NUP205: variants seen among roughly 807,000 people sequenced by gnomAD.
The protein encoded by NUP205 is nuclear pore complex protein Nup205.
NUP205 carries 76 observed loss-of-function variants against 253.8 expected under a neutral mutation model. The observed-to-expected ratio is 0.30, with a 90% CI of 0.25 to 0.36. The LOEUF is 0.36. Ranked by LOEUF, NUP205 falls within the 10% of genes least tolerant of loss-of-function variation. The probability of loss-of-function intolerance (pLI) is 1.00; values close to 1 mark genes in which losing one functional copy is unlikely to be tolerated. For missense variants in NUP205, 2,162 were observed against 2,425.5 expected (o/e 0.89, Z 2.28); for synonymous variants, 832 against 850.1 (o/e 0.98, Z 0.37).
rs142367048 is a variant in NUP205, at chr7:135,578,790, A to G, written c.917A>G (p.Tyr306Cys). 3.3e-5 allele frequency: 53 copies of G among 1,609,484 alleles called. No individual in the cohort carries two copies. Among genetic ancestry groups the G allele is most frequent in the Non-Finnish European group, 4.2e-5 (49 of 1,178,410 alleles). ...HQLPLLTEKQ[Y>C]IATIHSRLQD... ...CTTCCACTGTTGACAGAAAAACAGT[A>G]CATTGCAACAATTCACTCTCGTCTT... The change falls in exon 7 of 43, where the codon TAC becomes TGC. Residue 306 changes from tyrosine to cysteine, a missense_variant. Physicochemically the swap from Tyr to Cys is radical, Grantham distance 194. This residue lies in a region of NUP205 where 892 missense variants were observed against 957.1 expected (regional missense o/e 0.93). Transcript: ENST00000285968.
intron 22 of NUP205, among the ~76,000 whole-genome samples, chr7:135,612,406 C>A (rs1196427233): frequency 2.0e-5 from 3 of 152,210 alleles, no homozygotes; most frequent in African/African-American, 7.2e-5. Flanking sequence ...AGCACTATAA[C>A]TCAGCCTGAA....
rs572175718 is a variant in NUP205 at position 135,593,119 on chromosome 7, C to T, written c.1757C>T (p.Ser586Phe). Reference sequence around the variant, plus strand: ...AGTGTCCAGTACCGTCACCTTCCTTCCCGTGGCATCACCCAGAAGGAGCAA... The same window carrying T: ...AGTGTCCAGTACCGTCACCTTCCTTTCCGTGGCATCACCCAGAAGGAGCAA... ...ADSVQYRHLP[S>F]RGITQKEQDG... Residue 586 changes from serine (S) to phenylalanine (F), a missense_variant, in exon 12 of 43, where the codon TCC becomes TTC. Physicochemically the swap from Ser to Phe is radical, Grantham distance 155 (BLOSUM62 -2). Transcript: ENST00000285968. 1 of 1,614,120 alleles carries T rather than the reference C, an allele frequency of 6.2e-7. No homozygotes were observed. Among genetic ancestry groups the T allele is most frequent in the South Asian group, 1.1e-5 (1 of 91,080 alleles).
intron 10 of NUP205, 114 bp from the exon 11 acceptor site, chr7:135,591,336 G>A (rs925358058): frequency 3.8e-6 from 3 of 791,920 alleles, no homozygotes; most frequent in East Asian, 2.8e-5. Flanking sequence ...TGTCTGTTGC[G>A]AGGGTTAAGT....
chr7:135,584,546 A>G (rs1460936670), intron 7 of NUP205, among the ~76,000 whole-genome samples: 2 of 152,220 alleles, frequency 1.3e-5, no homozygotes, highest in African/African-American at 4.8e-5. Flanking sequence ...CCCTGACTAC[A>G]TCAGTGTTGC....
chr7:135,645,840 G>C, intron 41 of NUP205: 1 of 575,622 alleles, frequency 1.7e-6, no homozygotes, highest in Non-Finnish European at 3.1e-6. Flanking sequence ...GCTGCAGTTA[G>C]GGGGCTGATC....
At chr7:135,647,820 A>C (rs1795038608) in intron 42 of NUP205, among the ~76,000 whole-genome samples, 1 of 152,222 alleles carries the variant, frequency 6.6e-6, no homozygotes, top group African/African-American at 2.4e-5. Flanking sequence ...TATTGTACTT[A>C]ATTTTAGTCT....
At chr7:135,580,027 T>C (rs1806262095) in intron 7 of NUP205, among the ~76,000 whole-genome samples, 1 of 152,226 alleles carries the variant, frequency 6.6e-6, no homozygotes, top group African/African-American at 2.4e-5. Flanking sequence ...TTAATTGTCA[T>C]ATTAGTAGGG....
chr7:135,619,945 G>C, intron 30 of NUP205, 57 bp downstream of exon 30: 5 of 1,046,210 alleles, frequency 4.8e-6, no homozygotes, highest in Non-Finnish European at 1.4e-6. Context: ...ACTTTAAATT[G>C]AAAAAAAAAA....
intron 18 of NUP205, among the ~76,000 whole-genome samples, chr7:135,603,540 C>T (rs547187166): frequency 3.4e-5 from 5 of 148,410 alleles, no homozygotes; most frequent in Admixed American, 2.7e-4. Context: ...GACAACATTT[C>T]GCTCTGTCAC....
chr7:135,577,782 G>A lies in NUP205; in HGVS notation c.649-14G>A, dbSNP rs201710625. The A allele has an allele frequency of 9.3e-4, 1,475 of 1,589,762 alleles. 1 individual carries two copies. The highest frequency in any genetic ancestry group is 1.2e-3 in the Non-Finnish European group (1,377 of 1,158,274). On this transcript the variant is annotated splice_polypyrimidine_tract_variant and intron_variant, in intron 5 of 42. Transcript: ENST00000285968. ...GTAATTTATTTATACTGATAGTCAT[G>A]TTTTTATTTCTAGGTTTCTGATCTC...
At chr7:135,637,861 G>A in intron 36 of NUP205, 70 bp from the exon 37 acceptor site, 1 of 1,442,324 alleles carries the variant, frequency 6.9e-7, no homozygotes, top group Admixed American at 2.2e-5. Context: ...AGTTTTTCTT[G>A]TTTCTATCCC....
chr7:135,606,729 G>T, intron 20 of NUP205, 22 bp from the exon 21 acceptor site: 1 of 1,600,314 alleles, frequency 6.2e-7, no homozygotes, highest in Non-Finnish European at 8.6e-7. Context: ...TTGTAATTTT[G>T]TTTTGTGATT....
At chr7:135,581,853 C>CAA (rs34433097) in intron 7 of NUP205, among the ~76,000 whole-genome samples, 6 of 134,966 alleles carry the variant, frequency 4.4e-5, no homozygotes, top group Non-Finnish European at 9.6e-5. Flanking sequence ...ACTCTGTTTC[C>CAA]AAAAAAAAAA....
At chr7:135,609,066 T>C (rs931205085) in intron 22 of NUP205, among the ~76,000 whole-genome samples, 5 of 141,684 alleles carry the variant, frequency 3.5e-5, no homozygotes, top group Admixed American at 7.4e-5. Context: ...ATCGTGCCAC[T>C]GTACTCCAGC....
At chr7:135,579,852 G>C (rs1449696225) in intron 7 of NUP205, among the ~76,000 whole-genome samples, 4 of 152,170 alleles carry the variant, frequency 2.6e-5, no homozygotes, top group Non-Finnish European at 5.9e-5. Flanking sequence ...CACCATGTTG[G>C]CTGGGCTGGT....
In NUP205 at chr7:135,609,746, A is replaced by G. The variant is rs570454416; in HGVS notation, c.3195+2375A>G. 4.6e-5 allele frequency among the ~76,000 whole-genome samples: 7 copies of G among 152,098 alleles called. No individual in the cohort carries two copies. In the South Asian group the frequency reaches 1.2e-3, roughly 27 times the overall value. ...GCTTTTCTTTTTGTAATTCTTTACT[A>G]TCTTTTCTGTCCTCCGGCTGTCCAA... On this transcript the variant is annotated intron_variant, in intron 22 of 42. Transcript: ENST00000285968.
At chr7:135,564,543 C>T (rs78228509) in intron 1 of NUP205, among the ~76,000 whole-genome samples, 3,791 of 151,370 alleles carry the variant, frequency 0.025, 90 homozygotes, top group South Asian at 0.077. Flanking sequence ...TCACCACGCC[C>T]GGCCTGTTTT....
intron 36 of NUP205, among the ~76,000 whole-genome samples, chr7:135,635,990 T>G (rs1247435159): frequency 1.3e-5 from 2 of 152,200 alleles, no homozygotes; most frequent in Admixed American, 6.5e-5. Context: ...TAGTGTTACA[T>G]TATTATGACT....
intron 11 of NUP205, among the ~76,000 whole-genome samples, chr7:135,592,599 G>A (rs1387511572): frequency 2.6e-5 from 4 of 152,162 alleles, no homozygotes; most frequent in Non-Finnish European, 5.9e-5. Flanking sequence ...AAAGTTTGTT[G>A]TTTTAGGCTG....
Sources: gnomAD v4.1 joint callset for allele counts (sites outside exome capture counted in the v4.1 genomes callset) on GRCh38, gnomAD v4.1.1 for gene constraint, gnomAD v4.1.1 regional missense constraint, MANE v1.5 for transcripts, NCBI Gene and HGNC (gene_info 2026-07-23, HGNC 2026-07-21) for gene names.